IQCM: variants seen among roughly 807,000 people sequenced by gnomAD.
IQCM encodes IQ domain-containing protein M.
In IQCM, 45 loss-of-function variants were observed where a neutral mutation model predicts 57.6. That is an observed-to-expected ratio of 0.78 (90% CI 0.62 to 1.00). The LOEUF (loss-of-function observed/expected upper bound fraction) is 1.00, where lower values mean the gene tolerates loss of function less well. IQCM is among the 50% of genes least tolerant of loss of function. The probability of loss-of-function intolerance (pLI) is 0.00; values close to 1 mark genes in which losing one functional copy is unlikely to be tolerated. For missense variants in IQCM, 468 were observed against 511.6 expected (o/e 0.91, Z 0.82); for synonymous variants, 148 against 158.9 (o/e 0.93, Z 0.51).
intron 12 of IQCM, among the ~76,000 whole-genome samples, chr4:149,505,061 C>T (rs1054309715): frequency 3.9e-5 from 6 of 152,124 alleles, no homozygotes; most frequent in Non-Finnish European, 7.3e-5. Context: ...TCATAAGCCA[C>T]CCTGTCTATA....
intron 2 of IQCM, among the ~76,000 whole-genome samples, chr4:149,794,116 G>T (rs2150035507): frequency 6.6e-6 from 1 of 152,276 alleles, no homozygotes; most frequent in Admixed American, 6.5e-5. Context: ...ACAGAAGATG[G>T]GTCTGTTGTG....
intron 12 of IQCM, among the ~76,000 whole-genome samples, chr4:149,486,756 C>T (rs1458076994): frequency 6.6e-6 from 1 of 152,120 alleles, no homozygotes; most frequent in African/African-American, 2.4e-5. Flanking sequence ...CAAAAACAAA[C>T]AAACAAAAAA....
chr4:149,776,377 T>C (rs1187585223), intron 2 of IQCM, among the ~76,000 whole-genome samples: 2 of 152,126 alleles, frequency 1.3e-5, no homozygotes, highest in African/African-American at 2.4e-5. Context: ...AGGACTAATC[T>C]AAGGTCACAT....
intron 13 of IQCM, among the ~76,000 whole-genome samples, chr4:149,357,780 C>T (rs1729118003): frequency 6.6e-6 from 1 of 152,114 alleles, no homozygotes; most frequent in Non-Finnish European, 1.5e-5. Flanking sequence ...AGGGAGGATT[C>T]CCTCTTTTTC....
chr4:149,796,963 G>A (rs1033919955), intron 2 of IQCM, among the ~76,000 whole-genome samples: 1 of 152,096 alleles, frequency 6.6e-6, no homozygotes, highest in Non-Finnish European at 1.5e-5. Context: ...AGCCCAGACT[G>A]CAAAGACTAC....
intron 12 of IQCM, among the ~76,000 whole-genome samples, chr4:149,508,698 T>C (rs1744086182): frequency 6.6e-6 from 1 of 152,164 alleles, no homozygotes; most frequent in Non-Finnish European, 1.5e-5. Flanking sequence ...TATGGACTTT[T>C]GAGTTAATGC....
rs1267645567 is a variant in IQCM, at chr4:149,735,475, GA to G, written c.38-18del. 5 of 1,122,496 alleles carry G rather than the reference GA, an allele frequency of 4.5e-6. No individual in the cohort carries two copies. The highest frequency in any genetic ancestry group is 5.6e-6 in the Non-Finnish European group (5 of 887,172). The allele number at this position is 1,122,496 out of a possible 1,614,324, so 69.5% of individuals were successfully genotyped here. A position where few individuals can be genotyped will look rare whatever the true frequency, so the allele number is the denominator to read the frequency against. On this transcript the variant is annotated intron_variant, in intron 3 of 13. Coordinates refer to ENST00000636793, the MANE Select transcript of IQCM (RefSeq NM_001363507.2). ...ATGTAGGACCTAATATACAAACAGAGAAACATTTTTTAAGCAGTTAATGTGA... is the reference window on the plus strand; with the variant it reads ...ATGTAGGACCTAATATACAAACAGAGAACATTTTTTAAGCAGTTAATGTGA...
At chr4:149,512,641 G>A (rs1180126935) in intron 12 of IQCM, among the ~76,000 whole-genome samples, 3 of 152,084 alleles carry the variant, frequency 2.0e-5, no homozygotes, top group Non-Finnish European at 4.4e-5. Flanking sequence ...GCATATTTGT[G>A]ACTTATGACC....
intron 13 of IQCM, among the ~76,000 whole-genome samples, chr4:149,374,606 A>G (rs1730580147): frequency 6.6e-6 from 1 of 152,180 alleles, no homozygotes; most frequent in Non-Finnish European, 1.5e-5. Context: ...AAATTCTAGA[A>G]ATAGAATGTT....
At chr4:149,542,084 T>G (rs890901611) in intron 12 of IQCM, among the ~76,000 whole-genome samples, 2 of 152,054 alleles carry the variant, frequency 1.3e-5, no homozygotes, top group Non-Finnish European at 1.5e-5. Context: ...TTTTCATTAT[T>G]TTAGAATATC....
At chr4:149,704,916 A>G (rs1764043481) in intron 5 of IQCM, among the ~76,000 whole-genome samples, 1 of 151,676 alleles carries the variant, frequency 6.6e-6, no homozygotes, top group African/African-American at 2.4e-5. Flanking sequence ...CTAGAGTTGG[A>G]ATGTTCATCT....
intron 12 of IQCM, among the ~76,000 whole-genome samples, chr4:149,448,858 T>G (rs1370179626): frequency 6.6e-6 from 1 of 151,760 alleles, no homozygotes; most frequent in East Asian, 1.9e-4. Context: ...GACACCTACA[T>G]GCCCAGATGG....
At chr4:149,539,045 G>A (rs969113855) in intron 12 of IQCM, among the ~76,000 whole-genome samples, 1 of 152,022 alleles carries the variant, frequency 6.6e-6, no homozygotes. Flanking sequence ...AAATAAAAAT[G>A]TCTAGTAAAA....
intron 3 of IQCM, among the ~76,000 whole-genome samples, chr4:149,738,264 C>T (rs1767129531): frequency 1.3e-5 from 2 of 152,200 alleles, no homozygotes; most frequent in African/African-American, 4.8e-5. Flanking sequence ...TCCTCTGAAA[C>T]TTGGCTGGTC....
chr4:149,672,553 G>GTTTGATC (rs1427491431), intron 7 of IQCM, among the ~76,000 whole-genome samples: 7 of 152,136 alleles, frequency 4.6e-5, no homozygotes, highest in Admixed American at 4.6e-4. Flanking sequence ...TGAGTGAAAT[G>GTTTGATC]AAGTGAGAAG....
chr4:149,511,969 G>T (rs372919685), intron 12 of IQCM, among the ~76,000 whole-genome samples: 3 of 151,806 alleles, frequency 2.0e-5, no homozygotes, highest in Non-Finnish European at 4.4e-5. Context: ...CCTCCTTTGC[G>T]CCAGATACAT....
At chr4:149,393,738 T>C (rs555795711) in intron 13 of IQCM, among the ~76,000 whole-genome samples, 2 of 152,046 alleles carry the variant, frequency 1.3e-5, no homozygotes, top group South Asian at 4.1e-4. Context: ...GAATTAAATG[T>C]CCAGCTTAAG....
chr4:149,755,118 A>G (rs1306531038), intron 2 of IQCM, among the ~76,000 whole-genome samples: 3 of 152,176 alleles, frequency 2.0e-5, no homozygotes, highest in African/African-American at 7.2e-5. Flanking sequence ...CACCTTTACT[A>G]TTAACACTCT....
chr4:149,736,597 CA>C (rs1766967347), intron 3 of IQCM, among the ~76,000 whole-genome samples: 1 of 152,064 alleles, frequency 6.6e-6, no homozygotes, highest in South Asian at 2.1e-4. Flanking sequence ...AAATTTTAAG[CA>C]ATTAAAAACT....
Sources: allele counts gnomAD v4.1 joint callset (sites outside exome capture counted in the v4.1 genomes callset), GRCh38; gene constraint gnomAD v4.1.1; transcripts MANE v1.5; gene names NCBI Gene and HGNC (gene_info 2026-07-23, HGNC 2026-07-21).